B3GLCT: variants seen among roughly 807,000 people sequenced by gnomAD.
B3GLCT encodes the protein beta 3-glucosyltransferase, also known as beta-1,3-glucosyltransferase.
Under a neutral mutation model 63.4 loss-of-function variants are expected in B3GLCT, and 65 were observed. The ratio of observed to expected loss-of-function variants is 1.03; its 90% CI spans 0.84 to 1.26. B3GLCT has a LOEUF of 1.26. Among genes scored for constraint, B3GLCT ranks in the 50% most tolerant of loss-of-function variants. The pLI is 0.00. For synonymous variants in B3GLCT, 233 were observed against 219.2 expected (o/e 1.06, Z -0.55); for missense variants, 577 against 604.8 (o/e 0.95, Z 0.48).
At chr13:31,238,977 C>T (rs557584318) in intron 4 of B3GLCT, among the ~76,000 whole-genome samples, 29 of 152,178 alleles carry the variant, frequency 1.9e-4, no homozygotes, top group African/African-American at 6.5e-4. Context: ...GAGGAGAAGG[C>T]GGGAAGACTT....
At chr13:31,285,924 G>C (rs1352038795) in intron 11 of B3GLCT, among the ~76,000 whole-genome samples, 1 of 152,048 alleles carries the variant, frequency 6.6e-6, no homozygotes, top group Non-Finnish European at 1.5e-5. Flanking sequence ...GATTTGAGGT[G>C]GCTTTGAAAC....
At chr13:31,257,000 G>A (rs1871776717) in intron 6 of B3GLCT, among the ~76,000 whole-genome samples, 1 of 151,930 alleles carries the variant, frequency 6.6e-6, no homozygotes, top group African/African-American at 2.4e-5. Flanking sequence ...TCCTTTTAAT[G>A]AAATCATTAA....
At chr13:31,221,051 C>T (rs909515241) in intron 2 of B3GLCT, among the ~76,000 whole-genome samples, 1 of 152,190 alleles carries the variant, frequency 6.6e-6, no homozygotes. Context: ...TGAGGAAGAG[C>T]ATTGGGACCG....
At chr13:31,277,637 A>G (rs1387381672) in intron 10 of B3GLCT, among the ~76,000 whole-genome samples, 1 of 152,140 alleles carries the variant, frequency 6.6e-6, no homozygotes, top group Non-Finnish European at 1.5e-5. Context: ...AAGTTCATTT[A>G]TATATTTTAT....
At chr13:31,229,527 C>G (rs1870268170) in intron 4 of B3GLCT, among the ~76,000 whole-genome samples, 1 of 152,178 alleles carries the variant, frequency 6.6e-6, no homozygotes, top group African/African-American at 2.4e-5. Flanking sequence ...GGGCGGATCC[C>G]TTGACGTCAG....
At chr13:31,309,265 T>A (rs1250407789) in intron 12 of B3GLCT, among the ~76,000 whole-genome samples, 1 of 152,214 alleles carries the variant, frequency 6.6e-6, no homozygotes, top group Admixed American at 6.5e-5. Context: ...CAGAACATTT[T>A]TTTCTGTGTT....
intron 10 of B3GLCT, among the ~76,000 whole-genome samples, chr13:31,277,606 A>G (rs563750315): frequency 6.6e-6 from 1 of 152,186 alleles, no homozygotes; most frequent in Non-Finnish European, 1.5e-5. Flanking sequence ...TGTCATTTTC[A>G]TGGGATTGGA....
At chr13:31,210,273 A>G (rs538533051) in intron 1 of B3GLCT, among the ~76,000 whole-genome samples, 22 of 152,338 alleles carry the variant, frequency 1.4e-4, no homozygotes, top group African/African-American at 4.8e-4. Flanking sequence ...AGGGGAAATT[A>G]CTTTTAAACA....
At chr13:31,293,738 A>G (rs375425270) in intron 12 of B3GLCT, among the ~76,000 whole-genome samples, 12 of 152,194 alleles carry the variant, frequency 7.9e-5, no homozygotes, top group South Asian at 2.1e-4. Flanking sequence ...CAGCACTCCA[A>G]TGGGTCTTGA....
chr13:31,263,449 G>A (rs1161208979), intron 7 of B3GLCT, among the ~76,000 whole-genome samples: 1 of 152,124 alleles, frequency 6.6e-6, no homozygotes, highest in African/African-American at 2.4e-5. Context: ...CTGACATGCT[G>A]GCATTAAGTA....
At chr13:31,272,216 TC>T (rs1215502139) in intron 8 of B3GLCT, among the ~76,000 whole-genome samples, 1 of 118,268 alleles carries the variant, frequency 8.5e-6, no homozygotes, top group Non-Finnish European at 1.7e-5. Flanking sequence ...TTTCTATTTT[TC>T]CTTTTTTTTT....
chr13:31,250,221 C>T (rs950807827), intron 6 of B3GLCT, among the ~76,000 whole-genome samples: 2 of 152,080 alleles, frequency 1.3e-5, no homozygotes, highest in Non-Finnish European at 2.9e-5. Flanking sequence ...TCACCCAGGC[C>T]GGAGTGCAGT....
At chr13:31,242,721 T>A (rs1397177164) in intron 4 of B3GLCT, among the ~76,000 whole-genome samples, 3 of 152,230 alleles carry the variant, frequency 2.0e-5, no homozygotes, top group Non-Finnish European at 4.4e-5. Context: ...AATAGATTTA[T>A]ATGAGCTATA....
chr13:31,279,416 C>CA (rs1243444527), intron 10 of B3GLCT, among the ~76,000 whole-genome samples: 2 of 151,792 alleles, frequency 1.3e-5, no homozygotes, highest in Non-Finnish European at 2.9e-5. Context: ...GGAAGGAGTA[C>CA]AAAAGAGAGA....
At chr13:31,228,261 G>GAGGT (rs1363193863) in intron 3 of B3GLCT, among the ~76,000 whole-genome samples, 1 of 152,210 alleles carries the variant, frequency 6.6e-6, no homozygotes, top group Non-Finnish European at 1.5e-5. Flanking sequence ...GGTGCCTTAT[G>GAGGT]AGGTAGGGTA....
At chr13:31,232,665 G>C (rs1870440188) in intron 4 of B3GLCT, among the ~76,000 whole-genome samples, 1 of 152,176 alleles carries the variant, frequency 6.6e-6, no homozygotes, top group African/African-American at 2.4e-5. Context: ...TGTAGATCCT[G>C]TCTTCTTGTC....
Position 31,331,823 on chromosome 13 carries a change from C to G in B3GLCT, c.*2155C>G, listed in dbSNP as rs1216270071. On this transcript the variant is annotated 3_prime_UTR_variant, in exon 15 of 15. Coordinates refer to ENST00000343307, the MANE Select transcript of B3GLCT (RefSeq NM_194318.4). ...TGACATTTCCAGGACCAGATATTGT[C>G]TTACTCACATTTCCTTTGCTTTGAA... The G allele has an allele frequency of 6.6e-6, 1 of 152,166 alleles. No individual in the cohort carries two copies. The highest frequency in any genetic ancestry group is 1.5e-5 in the Non-Finnish European group (1 of 68,022). 9.4% of individuals were successfully genotyped at this position (152,166 alleles called of 1,614,324 possible). A position where few individuals can be genotyped will look rare whatever the true frequency, so the allele number is the denominator to read the frequency against.
rs1875946711 is a variant in B3GLCT at position 31,331,896 on chromosome 13, A to C, written c.*2228A>C. The C allele has an allele frequency of 6.6e-6, 1 of 152,188 alleles. No homozygotes were observed. Among genetic ancestry groups the C allele is most frequent in the Admixed American group, 6.5e-5 (1 of 15,280 alleles). 9.4% of individuals were successfully genotyped at this position (152,188 alleles called of 1,614,324 possible). On this transcript the variant is annotated 3_prime_UTR_variant, in exon 15 of 15. Transcript: ENST00000343307. ...CTATTTTTAGGCTAGGGATGTTAAC[A>C]TCAGGGATTTGTGTGTGGAATAACT...
In B3GLCT at chr13:31,328,717, A is replaced by ACAAC. The variant is rs57094878; in HGVS notation, c.1330-784_1330-783insCAAC. ...CAAAAAAAAAAAAAAAAAAAAAAAA[A>ACAAC]GGTTTACCGAGAGAAACTGGATACT... is the stretch of plus-strand genomic sequence containing the variant. On this transcript the variant is annotated intron_variant, in intron 14 of 14. Coordinates refer to ENST00000343307, the MANE Select transcript of B3GLCT (RefSeq NM_194318.4). 2.7e-5 allele frequency among the ~76,000 whole-genome samples: 4 copies of ACAAC among 149,594 alleles called. No homozygotes were observed. In the South Asian group the frequency reaches 6.4e-4, roughly 24 times the overall value.
Sources: allele counts gnomAD v4.1 joint callset (sites outside exome capture counted in the v4.1 genomes callset), GRCh38; gene constraint gnomAD v4.1.1; transcripts MANE v1.5; gene names NCBI Gene and HGNC (gene_info 2026-07-23, HGNC 2026-07-21).